NOS2: variants seen among roughly 807,000 people sequenced by gnomAD.
NOS2 encodes the protein nitric oxide synthase 2, also known as nitric oxide synthase, inducible.
Under a neutral mutation model 136.0 loss-of-function variants are expected in NOS2, and 96 were observed. That is an observed-to-expected ratio of 0.71 (90% CI 0.60 to 0.84). NOS2 has a LOEUF of 0.84. Ranked by LOEUF, NOS2 falls within the 40% of genes least tolerant of loss-of-function variation. NOS2 has a pLI of 0.00. For synonymous variants in NOS2, 539 were observed against 587.5 expected (o/e 0.92, Z 1.20); for missense variants, 1,237 against 1,496.9 (o/e 0.83, Z 2.87).
intron 18 of NOS2, 87 bp from the exon 19 acceptor site, chr17:27,766,675 C>G (rs1908313639): frequency 1.0e-6 from 1 of 989,960 alleles, no homozygotes; most frequent in Non-Finnish European, 1.6e-6. Context: ...TCAGTGACAT[C>G]TGAACACCAC....
At chr17:27,793,794 A>C (rs918833814) in intron 2 of NOS2, 2 of 377,678 alleles carry the variant, frequency 5.3e-6, no homozygotes, top group African/African-American at 4.2e-5. Context: ...GGGCGGGGCG[A>C]GCCGAGCAGC....
intron 2 of NOS2, among the ~76,000 whole-genome samples, chr17:27,793,410 G>A (rs1422552767): frequency 3.3e-5 from 5 of 152,184 alleles, no homozygotes; most frequent in Admixed American, 2.0e-4. Flanking sequence ...GGCCGCCTGG[G>A]CTCCTGAATT....
intron 18 of NOS2, among the ~76,000 whole-genome samples, chr17:27,767,132 G>A (rs553360310): frequency 6.6e-6 from 1 of 152,310 alleles, no homozygotes; most frequent in South Asian, 2.1e-4. Flanking sequence ...CATGGCTTGG[G>A]ATCCACAGGA....
chr17:27,793,718 C>T, intron 2 of NOS2: 1 of 393,510 alleles, frequency 2.5e-6, no homozygotes, highest in Non-Finnish European at 4.5e-6. Flanking sequence ...AGGCGCAGCT[C>T]CGCTGGCTCC....
chr17:27,780,671 T>G, intron 9 of NOS2, 96 bp downstream of exon 9: 2 of 1,523,714 alleles, frequency 1.3e-6, no homozygotes, highest in Non-Finnish European at 1.8e-6. Context: ...TGGCTGGGCT[T>G]TAGGGAAGGT....
intron 2 of NOS2, among the ~76,000 whole-genome samples, chr17:27,796,192 C>A (rs1291792172): frequency 2.0e-5 from 3 of 152,144 alleles, no homozygotes; most frequent in Non-Finnish European, 4.4e-5. Context: ...GTGGCTCACA[C>A]CTGTAATAGC....
chr17:27,772,184 T>G, intron 14 of NOS2, 124 bp downstream of exon 14: 1 of 1,060,384 alleles, frequency 9.4e-7, no homozygotes, highest in Non-Finnish European at 1.4e-6. Flanking sequence ...TCTTCCAGAT[T>G]AATGATGCAC....
chr17:27,767,465 C>T (rs992871023), intron 18 of NOS2, among the ~76,000 whole-genome samples: 21 of 152,262 alleles, frequency 1.4e-4, no homozygotes, highest in Non-Finnish European at 2.9e-4. Context: ...GTCTGACACA[C>T]AGTAGGCCCT....
chr17:27,782,131 C>A (rs752884356), intron 6 of NOS2, 25 bp from the exon 7 acceptor site: 21 of 1,606,254 alleles, frequency 1.3e-5, no homozygotes, highest in Non-Finnish European at 1.6e-5. Flanking sequence ...CCAGACCATG[C>A]CCATCAAAGA....
chr17:27,767,812 C>T lies in NOS2; in HGVS notation c.2060G>A (p.Arg687Gln), dbSNP rs1908355240. Residue 687 changes from arginine (R) to glutamine (Q), a missense_variant, in exon 18 of 27, where the codon CGA becomes CAA. Arg to Gln is a conservative substitution (Grantham distance 43, BLOSUM62 1). Transcript: ENST00000313735. ...FKAACETFDVRGKQHIQIPKL... is the reference protein window; with the variant it reads ...FKAACETFDVQGKQHIQIPKL... ...GGGGATCTGAATGTGCTGTTTGCCTCGGACATCAAACGTCTCACAGGCTGC... is the reference window on the plus strand; with the variant it reads ...GGGGATCTGAATGTGCTGTTTGCCTTGGACATCAAACGTCTCACAGGCTGC... 7 of 1,611,756 alleles carry T rather than the reference C, an allele frequency of 4.3e-6. No homozygotes were observed. The highest frequency in any genetic ancestry group is 5.9e-6 in the Non-Finnish European group (7 of 1,179,978).
chr17:27,784,482 AC>A (rs1389961352), intron 5 of NOS2, among the ~76,000 whole-genome samples: 2 of 152,220 alleles, frequency 1.3e-5, no homozygotes, highest in Non-Finnish European at 1.5e-5. Flanking sequence ...CCCCCTCTGC[AC>A]CTGAGCATGA....
In NOS2 at chr17:27,759,077, T is replaced by C. The variant is rs1367951857; in HGVS notation, c.3160-2A>G. 5 of 1,581,302 alleles carry C rather than the reference T, an allele frequency of 3.2e-6. No individual in the cohort carries two copies. The highest frequency in any genetic ancestry group is 2.3e-5 in the East Asian group (1 of 43,468). ...CCGCAGGATGTCCTGAACATAGACCTGAAACCAGAGGAAACAGTGGGTTCA... is the reference window on the plus strand; with the variant it reads ...CCGCAGGATGTCCTGAACATAGACCCGAAACCAGAGGAAACAGTGGGTTCA... On this transcript the variant is annotated splice_acceptor_variant, in intron 25 of 26. Transcript: ENST00000313735. LOFTEE classifies it high-confidence loss of function.
intron 13 of NOS2, among the ~76,000 whole-genome samples, chr17:27,772,791 T>C (rs1908539353): frequency 6.6e-6 from 1 of 151,840 alleles, no homozygotes; most frequent in Non-Finnish European, 1.5e-5. Flanking sequence ...TCCCAGCACT[T>C]TGGGAGGCTG....
At chr17:27,776,341 C>T (rs966846937) in intron 11 of NOS2, among the ~76,000 whole-genome samples, 1 of 152,168 alleles carries the variant, frequency 6.6e-6, no homozygotes, top group Non-Finnish European at 1.5e-5. Flanking sequence ...TCTTCCAAGA[C>T]ACAGCAACTC....
At chr17:27,795,217 CTG>C (rs1447421293) in intron 2 of NOS2, among the ~76,000 whole-genome samples, 4 of 152,228 alleles carry the variant, frequency 2.6e-5, no homozygotes, top group Non-Finnish European at 5.9e-5. Context: ...TCATTTTTCT[CTG>C]TCTCTTGAAC....
intron 1 of NOS2, among the ~76,000 whole-genome samples, 151 bp from the exon 2 acceptor site, chr17:27,799,033 G>A (rs1252608783): frequency 6.6e-6 from 1 of 152,158 alleles, no homozygotes; most frequent in East Asian, 1.9e-4. Context: ...TTTCGGGGTT[G>A]GAATGGGGAG....
chr17:27,786,715 C>T (rs1909035359), intron 5 of NOS2, among the ~76,000 whole-genome samples: 1 of 152,096 alleles, frequency 6.6e-6, no homozygotes, highest in Non-Finnish European at 1.5e-5. Flanking sequence ...AAGGTGGGTA[C>T]TATTATTATC....
intron 2 of NOS2, among the ~76,000 whole-genome samples, chr17:27,796,567 G>T (rs1909362122): frequency 6.6e-6 from 1 of 152,238 alleles, no homozygotes; most frequent in Admixed American, 6.5e-5. Flanking sequence ...AGCTGAGGAA[G>T]GCTGGGATGG....
chr17:27,781,186 G>C lies in NOS2; in HGVS notation c.723-9C>G. 1 of 1,602,570 alleles carries C rather than the reference G, an allele frequency of 6.2e-7. No individual in the cohort carries two copies. The highest frequency in any genetic ancestry group is 8.5e-7 in the Non-Finnish European group (1 of 1,179,044). ...ACACGGTGATGGCCGACCTTCCCAG[G>C]ACAGGAACAGTACTGTTTACCACCT... On this transcript the variant is annotated splice_polypyrimidine_tract_variant and intron_variant, in intron 7 of 26. Coordinates refer to ENST00000313735, the MANE Select transcript of NOS2 (RefSeq NM_000625.4).
Sources: allele counts gnomAD v4.1 joint callset (sites outside exome capture counted in the v4.1 genomes callset), GRCh38; gene constraint gnomAD v4.1.1; transcripts MANE v1.5; gene names NCBI Gene and HGNC (gene_info 2026-07-23, HGNC 2026-07-21).